The following BMPR2 variants were observed in gnomAD, a reference collection of about 807,000 sequenced individuals.
The protein encoded by BMPR2 is bone morphogenetic protein receptor type 2.
BMPR2 carries 29 observed loss-of-function variants against 100.8 expected under a neutral mutation model. The observed-to-expected ratio is 0.29, with a 90% CI of 0.21 to 0.39. The LOEUF (loss-of-function observed/expected upper bound fraction) is 0.39, where lower values mean the gene tolerates loss of function less well. BMPR2 is among the 10% of genes least tolerant of loss of function. The probability of loss-of-function intolerance (pLI) is 1.00; values close to 1 mark genes in which losing one functional copy is unlikely to be tolerated. For synonymous variants in BMPR2, 382 were observed against 442.3 expected (o/e 0.86, Z 1.71); for missense variants, 1,011 against 1,274.5 (o/e 0.79, Z 3.15).
rs1255422657 is a variant in BMPR2 at position 202,519,492 on chromosome 2, A to T, written c.852+440A>T. 2.6e-5 allele frequency among the ~76,000 whole-genome samples: 4 copies of T among 152,362 alleles called. No individual in the cohort carries two copies. In the South Asian group the frequency reaches 6.2e-4, roughly 24 times the overall value. ...ATTAATGGTCTGCAATGAAATAAGG[A>T]TCTCACACCAGAATGTGAATCAACT... On this transcript the variant is annotated intron_variant, in intron 6 of 12. Coordinates refer to ENST00000374580, the MANE Select transcript of BMPR2 (RefSeq NM_001204.7).
At position 202,555,865 on chromosome 2, in the gene BMPR2, A is replaced by G. The variant is rs1463739478; in HGVS notation, c.2200A>G (p.Ile734Val). 2 of 1,614,194 alleles carry G rather than the reference A, an allele frequency of 1.2e-6. No homozygotes were observed. Among genetic ancestry groups the G allele is most frequent in the Non-Finnish European group, 1.7e-6 (2 of 1,180,034 alleles). Residue 734 changes from isoleucine (I) to valine (V), a missense_variant, in exon 12 of 13, where the codon ATT (isoleucine) becomes GTT (valine). Around this residue, in one of 6 missense-constraint regions of BMPR2, gnomAD observed 508 missense variants for 552.0 expected, o/e 0.92. Transcript: ENST00000374580. ...TQTANGQACL[I>V]PDVLPTQIYP... ...GACTGCAAATGGCCAAGCATGTTTGATTCCTGATGTTCTGCCTACTCAGAT... is the reference window on the plus strand; with the variant it reads ...GACTGCAAATGGCCAAGCATGTTTGGTTCCTGATGTTCTGCCTACTCAGAT...
At chr2:202,546,812 C>T (rs555365132) in intron 10 of BMPR2, among the ~76,000 whole-genome samples, 1 of 152,286 alleles carries the variant, frequency 6.6e-6, no homozygotes, top group South Asian at 2.1e-4. Flanking sequence ...CCATATTGGT[C>T]AGGCTGGTCT....
intron 1 of BMPR2, among the ~76,000 whole-genome samples, chr2:202,448,535 C>T (rs1691903488): frequency 6.6e-6 from 1 of 151,290 alleles, no homozygotes; most frequent in Non-Finnish European, 1.5e-5. Flanking sequence ...TGGCTCACTG[C>T]AGCCTCCTCC....
Position 202,556,361 on chromosome 2 carries a change from G to A in BMPR2, c.2696G>A (p.Arg899Gln), listed in dbSNP as rs137852752. 2.7e-5 allele frequency: 43 copies of A among 1,614,102 alleles called. No homozygotes were observed. The highest frequency in any genetic ancestry group is 2.0e-4 in the African/African-American group (15 of 75,032). The change falls in exon 12 of 13, where the codon CGA becomes CAA. Residue 899 changes from arginine (R) to glutamine (Q), a missense_variant. Physicochemically the swap from Arg to Gln is conservative, Grantham distance 43. Around this residue, in one of 6 missense-constraint regions of BMPR2, gnomAD observed 508 missense variants for 552.0 expected, o/e 0.92. Transcript: ENST00000374580. ...DRRERPLEGG[R>Q]TNSNNNNSNP... ...AGGGAACGGCCACTAGAAGGTGGCC[G>A]AACTAATTCCAATAACAACAACAGC... is the stretch of plus-strand genomic sequence containing the variant.
At chr2:202,538,431 T>G (rs1355958243) in intron 9 of BMPR2, among the ~76,000 whole-genome samples, 1 of 151,516 alleles carries the variant, frequency 6.6e-6, no homozygotes, top group Admixed American at 6.6e-5. Flanking sequence ...CCCTCCATCC[T>G]GGGCAACAGA....
chr2:202,493,611 A>T (rs1021285611), intron 3 of BMPR2, among the ~76,000 whole-genome samples: 1 of 152,188 alleles, frequency 6.6e-6, no homozygotes, highest in Non-Finnish European at 1.5e-5. Flanking sequence ...AATAAAATAA[A>T]CAAATTGCTG....
intron 3 of BMPR2, among the ~76,000 whole-genome samples, chr2:202,488,057 A>G (rs1035221817): frequency 3.9e-5 from 6 of 152,184 alleles, no homozygotes; most frequent in Admixed American, 6.5e-5. Context: ...GCTCCCCATC[A>G]TGTATTTATT....
In BMPR2 at chr2:202,555,809, T is replaced by G. The variant is rs748707609; in HGVS notation, c.2144T>G (p.Val715Gly). Residue 715 changes from valine (V) to glycine (G), a missense_variant, in exon 12 of 13, where the codon GTA becomes GGA. Around this residue, in one of 6 missense-constraint regions of BMPR2, gnomAD observed 508 missense variants for 552.0 expected, o/e 0.92. Transcript: ENST00000374580. ...CTTTACCCACTCATAAAACTTGCAGTAGAAGCAACTGGACAGCAGGACTTC... is the reference window on the plus strand; with the variant it reads ...CTTTACCCACTCATAAAACTTGCAGGAGAAGCAACTGGACAGCAGGACTTC... ...SLLYPLIKLAVEATGQQDFTQ... is the reference protein window; with the variant it reads ...SLLYPLIKLAGEATGQQDFTQ... 6.2e-7 allele frequency: 1 copy of G among 1,614,054 alleles called. No homozygotes were observed. The highest frequency in any genetic ancestry group is 8.5e-7 in the Non-Finnish European group (1 of 1,180,004).
At position 202,555,565 on chromosome 2, in the gene BMPR2, T is replaced by C; in HGVS notation, c.1900T>C (p.Tyr634His). The part of the protein sequence containing the change: ...TGMTTISEMP[Y>H]PDETNLHTTN... ...CATGACTACTATATCTGAGATGCCA[T>C]ACCCAGATGAAACAAATCTGCATAC... Residue 634 changes from tyrosine to histidine, a missense_variant, in exon 12 of 13, where the codon TAC (tyrosine) becomes CAC (histidine). Physicochemically the swap from Tyr to His is moderately conservative, Grantham distance 83. Coordinates refer to ENST00000374580, the MANE Select transcript of BMPR2 (RefSeq NM_001204.7). 1 of 1,614,110 alleles carries C rather than the reference T, an allele frequency of 6.2e-7. No individual in the cohort carries two copies. The highest frequency in any genetic ancestry group is 8.5e-7 in the Non-Finnish European group (1 of 1,180,018).
intron 3 of BMPR2, among the ~76,000 whole-genome samples, chr2:202,497,349 G>C (rs1449146446): frequency 6.6e-6 from 1 of 152,242 alleles, no homozygotes; most frequent in Admixed American, 6.5e-5. Flanking sequence ...CCTTTCGCTT[G>C]CTATTCTGTC....
intron 1 of BMPR2, among the ~76,000 whole-genome samples, chr2:202,432,121 ATTTTAAATGATGAATGT>A (rs1691517858): frequency 6.6e-6 from 1 of 150,672 alleles, no homozygotes; most frequent in Non-Finnish European, 1.5e-5. Flanking sequence ...AGTACAGCAG[ATTTTAAATGATGAATGT>A]TATTAACTCT....
intron 6 of BMPR2, among the ~76,000 whole-genome samples, chr2:202,519,811 A>G (rs1323809046): frequency 6.6e-6 from 1 of 152,218 alleles, no homozygotes; most frequent in Non-Finnish European, 1.5e-5. Context: ...TAATTTGATC[A>G]AAGAATTGTT....
At chr2:202,491,578 T>A (rs1461718915) in intron 3 of BMPR2, among the ~76,000 whole-genome samples, 1 of 151,962 alleles carries the variant, frequency 6.6e-6, no homozygotes, top group East Asian at 1.9e-4. Context: ...CACCCACCAC[T>A]ACACCCAGCT....
chr2:202,543,178 A>G (rs1345697106), intron 10 of BMPR2, among the ~76,000 whole-genome samples: 1 of 107,350 alleles, frequency 9.3e-6, no homozygotes, highest in African/African-American at 4.2e-5. Context: ...CTCTGTCTCA[A>G]AAAAAAAAAA....
intron 1 of BMPR2, among the ~76,000 whole-genome samples, chr2:202,448,308 G>C (rs181476549): frequency 0.1 from 15,707 of 150,600 alleles, 1,036 homozygotes; most frequent in Non-Finnish European, 0.15. Context: ...AAAATTAGCC[G>C]GGCATGGTGG....
rs550429630 is a variant in BMPR2, at chr2:202,469,997, G to A, written c.418+2308G>A. ...CTCTTTTGAGAAGATTTGTCTTTTAGTAGTGTGGGCAAAGCAATTCTGAAA... is the reference window on the plus strand; with the variant it reads ...CTCTTTTGAGAAGATTTGTCTTTTAATAGTGTGGGCAAAGCAATTCTGAAA... On this transcript the variant is annotated intron_variant, in intron 3 of 12. Transcript: ENST00000374580. Among the ~76,000 whole-genome samples, 5 of 152,276 alleles carry A rather than the reference G, an allele frequency of 3.3e-5. No individual in the cohort carries two copies. In the South Asian group the frequency reaches 8.3e-4, roughly 25 times the overall value.
intron 3 of BMPR2, among the ~76,000 whole-genome samples, chr2:202,485,465 T>C (rs1440733529): frequency 6.6e-6 from 1 of 151,596 alleles, no homozygotes; most frequent in Admixed American, 6.6e-5. Flanking sequence ...CCTCGGTTTG[T>C]AGCTGCGTAA....
At chr2:202,410,733 C>T (rs543817525) in intron 1 of BMPR2, among the ~76,000 whole-genome samples, 2 of 152,158 alleles carry the variant, frequency 1.3e-5, no homozygotes, top group East Asian at 1.9e-4. Context: ...GCGCCCGCTG[C>T]CACGCCCGGC....
At chr2:202,535,526 TGGC>T (rs1299766571) in intron 9 of BMPR2, among the ~76,000 whole-genome samples, 1 of 146,882 alleles carries the variant, frequency 6.8e-6, no homozygotes, top group African/African-American at 2.6e-5. Context: ...CTAGATGTGA[TGGC>T]GGCCAGGAAG....
Sources: gnomAD v4.1 joint callset for allele counts (sites outside exome capture counted in the v4.1 genomes callset) on GRCh38, gnomAD v4.1.1 for gene constraint, gnomAD v4.1.1 regional missense constraint, MANE v1.5 for transcripts, NCBI Gene and HGNC (gene_info 2026-07-23, HGNC 2026-07-21) for gene names.